The following NCOR2 variants were observed in gnomAD, a reference collection of about 807,000 sequenced individuals.
NCOR2 encodes the protein CTG repeat protein 26.
In NCOR2, 81 loss-of-function variants were observed where a neutral mutation model predicts 262.9. The ratio of observed to expected loss-of-function variants is 0.31; its 90% CI spans 0.26 to 0.37. The LOEUF (loss-of-function observed/expected upper bound fraction) is 0.37, where lower values mean the gene tolerates loss of function less well. Ranked by LOEUF, NCOR2 falls within the 10% of genes least tolerant of loss-of-function variation. The pLI, the probability that NCOR2 is intolerant of heterozygous loss-of-function variation, is 1.00. For missense variants in NCOR2, 3,385 were observed against 3,621.4 expected (o/e 0.93, Z 1.68); for synonymous variants, 1,659 against 1,559.3 (o/e 1.06, Z -1.51).
At chr12:124,370,444 GC>G (rs1685908715) in intron 20 of NCOR2, among the ~76,000 whole-genome samples, 1 of 152,152 alleles carries the variant, frequency 6.6e-6, no homozygotes, top group African/African-American at 2.4e-5. Flanking sequence ...AGAGACAAGG[GC>G]CCCGCATGAC....
intron 15 of NCOR2, among the ~76,000 whole-genome samples, chr12:124,398,574 G>A (rs964619994): frequency 6.6e-6 from 1 of 152,210 alleles, no homozygotes; most frequent in African/African-American, 2.4e-5. Flanking sequence ...TGGTGACGTG[G>A]CGACAGTGGG....
chr12:124,425,930 G>A (rs1166252897), intron 11 of NCOR2, among the ~76,000 whole-genome samples: 4 of 152,168 alleles, frequency 2.6e-5, no homozygotes, highest in African/African-American at 7.2e-5. Context: ...AATGCATGAA[G>A]CTGAGAAGAC....
At chr12:124,563,808 A>G (rs1010437246) in intron 1 of NCOR2, among the ~76,000 whole-genome samples, 2 of 152,230 alleles carry the variant, frequency 1.3e-5, no homozygotes, top group African/African-American at 4.8e-5. Flanking sequence ...CCTGGGGCAA[A>G]GATCCGTAGG....
intron 24 of NCOR2, 55 bp from the exon 27 acceptor site, chr12:124,354,994 C>A (rs2271139): frequency 0.3 from 443,064 of 1,481,900 alleles, 68,497 homozygotes; most frequent in Admixed American, 0.49. Context: ...CCCCCACAGT[C>A]CAGAGTGCCT....
chr12:124,558,266 A>ACCCCC (rs11428567), intron 1 of NCOR2, among the ~76,000 whole-genome samples: 144 of 112,998 alleles, frequency 1.3e-3, no homozygotes, highest in South Asian at 3.3e-3. Context: ...TCTCCCACCC[A>ACCCCC]CCCCCCCTCC....
chr12:124,516,465 T>G (rs1294326814), intron 1 of NCOR2, among the ~76,000 whole-genome samples: 2 of 152,066 alleles, frequency 1.3e-5, no homozygotes. Flanking sequence ...GGACCCAGGT[T>G]TCTACAAAAC....
chr12:124,405,705 A>T (rs2042237523), intron 13 of NCOR2, among the ~76,000 whole-genome samples: 1 of 152,084 alleles, frequency 6.6e-6, no homozygotes. Flanking sequence ...CGCTGCTGGG[A>T]GATTATGCAG....
At chr12:124,348,243 C>A in exon 29 of NCOR2, 1 of 1,613,176 alleles carries the variant, frequency 6.2e-7, no homozygotes, top group South Asian at 1.1e-5. Context: ...CGCTTGGGGG[C>A]GGCCGTCTCA....
rs1873791895 is a variant in NCOR2, at chr12:124,482,918, C to A, written c.411+678G>T. 6.6e-6 allele frequency among the ~76,000 whole-genome samples: 1 copy of A among 152,174 alleles called. No homozygotes were observed. ...GGCAGTAGAAGGCGGCTTTGTCATTCTAGGGGTCCAGGCCATGTCCTAACC... is the reference window on the plus strand; with the variant it reads ...GGCAGTAGAAGGCGGCTTTGTCATTATAGGGGTCCAGGCCATGTCCTAACC... On this transcript the variant is annotated intron_variant, in intron 3 of 46. Transcript: ENST00000405201. This position sits in a 1 kb window ranked among gnomAD's most constrained non-coding sequence, Gnocchi z 6.3.
exon 21 of NCOR2, chr12:124,363,779 C>T: frequency 7.3e-7 from 1 of 1,377,470 alleles, no homozygotes; most frequent in Non-Finnish European, 9.5e-7. Context: ...GGTGAGGAGG[C>T]TGGGCCTTGG....
At chr12:124,468,923 C>A (rs548403976) in intron 4 of NCOR2, among the ~76,000 whole-genome samples, 2 of 50,890 alleles carry the variant, frequency 3.9e-5, no homozygotes, top group Non-Finnish European at 4.5e-5. Context: ...CATCCTCATC[C>A]TCATCACCCC....
In NCOR2 at chr12:124,374,470, G is replaced by A. The variant is rs754094801; in HGVS notation, c.2168-7C>T. The A allele has an allele frequency of 4.3e-6, 7 of 1,611,840 alleles. No homozygotes were observed. In the Admixed American group the frequency reaches 8.4e-5, roughly 19 times the overall value. On this transcript the variant is annotated splice_polypyrimidine_tract_variant and splice_region_variant and intron_variant, in intron 18 of 46. Coordinates refer to ENST00000405201, the Ensembl canonical transcript of NCOR2. ...TTCCCAGAGGCATGTAAGGCTGGAA[G>A]GAAGTCAGAGAAGAGTTAGAAGTGA...
At chr12:124,441,003 G>A (rs950190608) in intron 7 of NCOR2, among the ~76,000 whole-genome samples, 1 of 152,216 alleles carries the variant, frequency 6.6e-6, no homozygotes, top group South Asian at 2.1e-4. Flanking sequence ...GGGGCTGTGA[G>A]CAAGACTGGC....
chr12:124,356,176 CCCTCGGGA>C (rs2135924440), intron 23 of NCOR2, among the ~76,000 whole-genome samples: 1 of 152,352 alleles, frequency 6.6e-6, no homozygotes, highest in East Asian at 1.9e-4. Flanking sequence ...GCCCACGCAT[CCCTCGGGA>C]CCAGCCTTTA....
At chr12:124,532,246 T>C (rs1170739798) in intron 1 of NCOR2, among the ~76,000 whole-genome samples, 1 of 151,752 alleles carries the variant, frequency 6.6e-6, no homozygotes, top group Non-Finnish European at 1.5e-5. Flanking sequence ...TCACGGTTCT[T>C]ACTCAGAAAA....
At chr12:124,556,500 A>G (rs2051886602) in intron 1 of NCOR2, 1 of 152,298 alleles carries the variant, frequency 6.6e-6, no homozygotes, top group Non-Finnish European at 1.5e-5. Context: ...TGAAACCATC[A>G]TCTATCAGAA....
intron 1 of NCOR2, among the ~76,000 whole-genome samples, chr12:124,512,294 A>G (rs1351299076): frequency 6.6e-6 from 1 of 152,204 alleles, no homozygotes; most frequent in African/African-American, 2.4e-5. Context: ...TCCCTCCAGA[A>G]GCTCAAAGGG....
chr12:124,411,390 G>C (rs1167890939), intron 13 of NCOR2, among the ~76,000 whole-genome samples: 1 of 152,232 alleles, frequency 6.6e-6, no homozygotes, highest in Non-Finnish European at 1.5e-5. Context: ...GACGGCAGCA[G>C]TCGGGGGCGG....
intron 28 of NCOR2, chr12:124,348,602 G>A: frequency 2.1e-6 from 1 of 476,062 alleles, no homozygotes; most frequent in Non-Finnish European, 3.7e-6. Context: ...TGCAAGCAAG[G>A]GTGTGCCTGT....
Sources: allele counts gnomAD v4.1 joint callset (sites outside exome capture counted in the v4.1 genomes callset), GRCh38; gene constraint gnomAD v4.1.1; non-coding constraint Gnocchi (gnomAD v3.1); transcripts MANE v1.5; gene names NCBI Gene and HGNC (gene_info 2026-07-23, HGNC 2026-07-21).